Variants in NBEA observed in about 807,000 individuals in gnomAD.
NBEA encodes neurobeachin, also known as lysosomal-trafficking regulator 2.
NBEA carries 44 observed loss-of-function variants against 343.4 expected under a neutral mutation model. The observed-to-expected ratio is 0.13, with a 90% confidence interval of 0.10 to 0.16. NBEA has a LOEUF of 0.16. Among genes scored for constraint, NBEA ranks in the 10% least tolerant of loss-of-function variants. NBEA has a pLI of 1.00. For synonymous variants in NBEA, 1,175 were observed against 1,238.7 expected, an observed-to-expected ratio of 0.95 and a Z score of 1.08; for missense variants, 2,555 against 3,631.3, an observed-to-expected ratio of 0.70 and a Z score of 7.62.
At chr13:35,370,246 G>T (rs759145287) in intron 38 of NBEA, among the ~76,000 whole-genome samples, 11 of 151,746 alleles carry the variant, frequency 7.2e-5, no homozygotes, top group Non-Finnish European at 1.6e-4. Context: ...GTTTAGAATT[G>T]TTATTTTCTC....
chr13:35,134,445 C>T (rs934209358), intron 17 of NBEA, among the ~76,000 whole-genome samples: 1 of 150,694 alleles, frequency 6.6e-6, no homozygotes, highest in African/African-American at 2.4e-5. Context: ...TGCCTCCTGA[C>T]CATAATGTGA....
chr13:35,142,078 TTAAC>T (rs2068122891), intron 17 of NBEA, among the ~76,000 whole-genome samples, 187 bp from the exon 18 acceptor site: 1 of 152,264 alleles, frequency 6.6e-6, no homozygotes, highest in Admixed American at 6.5e-5. Flanking sequence ...TGAAAAGTTT[TTAAC>T]TAATAGTCTT....
At chr13:35,201,232 A>T (rs1333030369) in intron 31 of NBEA, among the ~76,000 whole-genome samples, 1 of 151,972 alleles carries the variant, frequency 6.6e-6, no homozygotes, top group Non-Finnish European at 1.5e-5. Context: ...CATTTCCCCA[A>T]TGTTGTTGAC....
chr13:35,026,919 A>G (rs996187703), intron 1 of NBEA, among the ~76,000 whole-genome samples: 1 of 152,052 alleles, frequency 6.6e-6, no homozygotes, highest in African/African-American at 2.4e-5. Flanking sequence ...TCATAACCCT[A>G]ACTCTTGGTA....
intron 10 of NBEA, among the ~76,000 whole-genome samples, chr13:35,082,700 C>G (rs1042415305): frequency 6.6e-6 from 1 of 151,986 alleles, no homozygotes; most frequent in South Asian, 2.1e-4. Context: ...GTGTCTTTTG[C>G]CTGCAAAAAT....
chr13:35,391,822 A>G (rs780229960), intron 38 of NBEA, among the ~76,000 whole-genome samples: 10 of 152,200 alleles, frequency 6.6e-5, no homozygotes, highest in Non-Finnish European at 1.2e-4. Context: ...TTGATTGTCA[A>G]ACCAAGTCAT....
chr13:34,948,274 G>A (rs1263543318), intron 1 of NBEA, among the ~76,000 whole-genome samples: 1 of 152,160 alleles, frequency 6.6e-6, no homozygotes, highest in Non-Finnish European at 1.5e-5. Context: ...ATCTAACCTA[G>A]GTGTGGCAAG....
At chr13:35,337,659 C>CAGT (rs1449312924) in intron 36 of NBEA, among the ~76,000 whole-genome samples, 2 of 152,006 alleles carry the variant, frequency 1.3e-5, no homozygotes, top group Admixed American at 6.6e-5. Context: ...TGTCATTTAA[C>CAGT]AGTAGCAGGC....
In NBEA at chr13:35,208,860, G is replaced by T; in HGVS notation, c.5521+6G>T. On this transcript the variant is annotated splice_donor_region_variant and intron_variant, in intron 32 of 58. Transcript: ENST00000379939. ...AAGTATGATTAATACAACAGGTATT[G>T]TACTTACATATTTTTGTGATACTCA... The T allele has an allele frequency of 6.6e-7, 1 of 1,521,866 alleles. No homozygotes were observed. The highest frequency in any genetic ancestry group is 8.9e-7 in the Non-Finnish European group (1 of 1,123,658). The allele number at this position is 1,521,866 out of a possible 1,614,324, so 94.3% of individuals were successfully genotyped here.
rs373137393 is a variant in NBEA, at chr13:35,655,564, A to G, written c.8192-15A>G. On this transcript the variant is annotated splice_polypyrimidine_tract_variant and intron_variant, in intron 54 of 58. Transcript: ENST00000379939. ...AAAGACTAAATGAAGCAAACCTGTCATTTCTGTGTTGCAGGGAAATTGACT... is the reference window on the plus strand; with the variant it reads ...AAAGACTAAATGAAGCAAACCTGTCGTTTCTGTGTTGCAGGGAAATTGACT... The G allele has an allele frequency of 4.3e-5, 69 of 1,605,714 alleles. 1 individual carries two copies. In the Middle Eastern group the frequency reaches 8.3e-4, roughly 19 times the overall value.
chr13:35,572,664 T>C (rs1450585781), intron 45 of NBEA, among the ~76,000 whole-genome samples: 3 of 152,246 alleles, frequency 2.0e-5, no homozygotes, highest in Non-Finnish European at 2.9e-5. Flanking sequence ...AAAGAGTTTA[T>C]ATTGGTAAGG....
chr13:35,112,667 C>G (rs1458531533), intron 13 of NBEA, among the ~76,000 whole-genome samples: 1 of 152,142 alleles, frequency 6.6e-6, no homozygotes, highest in Non-Finnish European at 1.5e-5. Flanking sequence ...AAGCATTGCA[C>G]AAAGAATTCT....
rs1435588682 is a variant in NBEA at position 35,649,784 on chromosome 13, C to T, written c.7900C>T (p.Pro2634Ser). 1.9e-6 allele frequency: 3 copies of T among 1,613,866 alleles called. No homozygotes were observed. Among genetic ancestry groups the T allele is most frequent in the Non-Finnish European group, 8.5e-7 (1 of 1,179,898 alleles). ...CAACACTCTGCCCCACTTGACCATC[C>T]CCGCAGTGGTGACAGTGACTTGCAG... ...AANTLPHLTI[P>S]AVVTVTCSRL... Residue 2634 changes from proline to serine, a missense_variant, in exon 52 of 59, where the codon CCC becomes TCC. Pro to Ser is a moderately conservative substitution (Grantham distance 74, BLOSUM62 -1). Around this residue, in one of 21 missense-constraint regions of NBEA, gnomAD observed 61 missense variants for 132.1 expected, o/e 0.46. Coordinates refer to ENST00000379939, the MANE Select transcript of NBEA (RefSeq NM_001385012.1).
At chr13:35,458,941 G>T (rs902863674) in intron 40 of NBEA, among the ~76,000 whole-genome samples, 16 of 146,638 alleles carry the variant, frequency 1.1e-4, no homozygotes, top group African/African-American at 3.8e-4. Flanking sequence ...GTATTCAAAT[G>T]TAAGTGTTGG....
chr13:35,275,238 CA>C (rs998180594), intron 34 of NBEA, among the ~76,000 whole-genome samples: 7 of 152,188 alleles, frequency 4.6e-5, no homozygotes, highest in African/African-American at 1.4e-4. Context: ...ACAAACCTGA[CA>C]AAAACAAGCA....
At chr13:35,420,776 T>G (rs1367153400) in intron 38 of NBEA, among the ~76,000 whole-genome samples, 1 of 152,046 alleles carries the variant, frequency 6.6e-6, no homozygotes, top group Non-Finnish European at 1.5e-5. Context: ...CTGCCAAATT[T>G]ATGTGTGTAG....
Position 35,645,911 on chromosome 13 carries a change from CT to C in NBEA, c.7662del (p.Thr2555GlnfsTer54). 6.4e-7 allele frequency: 1 copy of C among 1,573,426 alleles called. No homozygotes were observed. The highest frequency in any genetic ancestry group is 8.7e-7 in the Non-Finnish European group (1 of 1,155,566). Reference sequence around the variant, plus strand: ...CATTAGAGACCCCCACACTTTCCTTCTTACAAAGGACTTTATTAAGGTATAT... The same window carrying C: ...CATTAGAGACCCCCACACTTTCCTTCTACAAAGGACTTTATTAAGGTATAT... The part of the protein sequence containing the change: ...YFIRDPHTFL[L>X]TKDFIKAMEA... On this transcript the variant is annotated frameshift_variant, in exon 50 of 59. Transcript: ENST00000379939. LOFTEE classifies it high-confidence loss of function.
chr13:35,620,700 G>T (rs2082947414), intron 48 of NBEA, among the ~76,000 whole-genome samples: 1 of 152,142 alleles, frequency 6.6e-6, no homozygotes, highest in Non-Finnish European at 1.5e-5. Flanking sequence ...GTAGAATCAG[G>T]GAGATCTGCT....
At chr13:35,104,842 A>G (rs2065836890) in intron 11 of NBEA, among the ~76,000 whole-genome samples, 1 of 152,008 alleles carries the variant, frequency 6.6e-6, no homozygotes, top group Admixed American at 6.6e-5. Flanking sequence ...AGCGTATTCA[A>G]TAGGATATTT....
Sources: gnomAD v4.1 joint callset for allele counts (sites outside exome capture counted in the v4.1 genomes callset) on GRCh38, gnomAD v4.1.1 for gene constraint, gnomAD v4.1.1 regional missense constraint, MANE v1.5 for transcripts, NCBI Gene and HGNC (gene_info 2026-07-23, HGNC 2026-07-21) for gene names.